The following WFDC8 variants were observed in gnomAD, a reference collection of about 807,000 sequenced individuals.
WFDC8 encodes the protein WAP four-disulfide core domain 8, also known as WAP four-disulfide core domain protein 8.
In WFDC8, 24 loss-of-function variants were observed where a neutral mutation model predicts 27.0. The ratio of observed to expected loss-of-function variants is 0.89; its 90% CI spans 0.64 to 1.25. The LOEUF (loss-of-function observed/expected upper bound fraction) is 1.25. Among genes scored for constraint, WFDC8 ranks in the 50% most tolerant of loss-of-function variants. The probability of loss-of-function intolerance (pLI) is 0.00; values close to 1 mark genes in which losing one functional copy is unlikely to be tolerated. For missense variants in WFDC8, 287 were observed against 295.9 expected, an observed-to-expected ratio of 0.97 and a Z score of 0.22; for synonymous variants, 106 against 99.7, an observed-to-expected ratio of 1.06 and a Z score of -0.38.
chr20:45,560,851 T>G (rs959843375), intron 2 of WFDC8, among the ~76,000 whole-genome samples: 1 of 152,192 alleles, frequency 6.6e-6, no homozygotes, highest in African/African-American at 2.4e-5. Flanking sequence ...TACATCAAAA[T>G]CATCTATGCA....
intron 1 of WFDC8, among the ~76,000 whole-genome samples, chr20:45,570,072 A>G (rs1980817191): frequency 6.6e-6 from 1 of 152,156 alleles, no homozygotes; most frequent in African/African-American, 2.4e-5. Flanking sequence ...ATCAGGAAAA[A>G]TAACTAATGA....
chr20:45,558,837 C>T lies in WFDC8; in HGVS notation c.277+15G>A. On this transcript the variant is annotated intron_variant, in intron 3 of 5. Transcript: ENST00000289953. ...AGAAGTGGGGAACCTCTGTCCTCAGCCTGGACATCGCTACCTTGAAAGGGA... is the reference window on the plus strand; with the variant it reads ...AGAAGTGGGGAACCTCTGTCCTCAGTCTGGACATCGCTACCTTGAAAGGGA... 1 of 1,613,904 alleles carries T rather than the reference C, an allele frequency of 6.2e-7. No individual in the cohort carries two copies. Among genetic ancestry groups the T allele is most frequent in the Non-Finnish European group, 8.5e-7 (1 of 1,179,882 alleles).
At chr20:45,560,276 T>C (rs1980419358) in intron 2 of WFDC8, among the ~76,000 whole-genome samples, 1 of 152,160 alleles carries the variant, frequency 6.6e-6, no homozygotes, top group Admixed American at 6.5e-5. Flanking sequence ...GGAGCCTCAG[T>C]CCTACAACTC....
chr20:45,553,507 C>T lies in WFDC8; in HGVS notation c.446-231G>A, dbSNP rs538328239. ...GCCCCATGGTAAAGTCCCAGTCCTG[C>T]TACTTGGTGAGTTTCCTTCTCTGTA... On this transcript the variant is annotated intron_variant, in intron 4 of 5. Coordinates refer to ENST00000289953, the MANE Select transcript of WFDC8 (RefSeq NM_130896.3). Among the ~76,000 whole-genome samples the T allele has an allele frequency of 2.0e-5, 3 of 152,264 alleles. 1 individual carries two copies. Among genetic ancestry groups the T allele is most frequent in the Admixed American group, 6.5e-5 (1 of 15,292 alleles).
At chr20:45,552,215 T>C (rs1376292485) in intron 5 of WFDC8, 50 bp from the exon 6 acceptor site, 1 of 1,599,780 alleles carries the variant, frequency 6.3e-7, no homozygotes, top group East Asian at 2.2e-5. Context: ...TGGTCATAAT[T>C]TGAGACAAAT....
chr20:45,559,062 G>C, intron 2 of WFDC8, 70 bp from the exon 3 acceptor site: 2 of 1,588,000 alleles, frequency 1.3e-6, no homozygotes, highest in East Asian at 4.5e-5. Context: ...TGGCAAAGGT[G>C]TGTAGTGAAA....
chr20:45,576,453 G>A lies in WFDC8; in HGVS notation c.26+2769C>T, dbSNP rs577710136. Among the ~76,000 whole-genome samples the A allele has an allele frequency of 2.5e-4, 38 of 150,868 alleles. 3 individuals carry two copies. The South Asian group carries it at 6.6e-3, about 26-fold the overall frequency. ...CACTGTCTTTCTCCCAGGGCGGAGCGCAGTGGCACGATCTTGGCTCACTCC... is the reference window on the plus strand; with the variant it reads ...CACTGTCTTTCTCCCAGGGCGGAGCACAGTGGCACGATCTTGGCTCACTCC... On this transcript the variant is annotated intron_variant, in intron 1 of 5. Coordinates refer to ENST00000289953, the MANE Select transcript of WFDC8 (RefSeq NM_130896.3).
chr20:45,566,138 A>G (rs1980668909), intron 1 of WFDC8, among the ~76,000 whole-genome samples: 2 of 152,158 alleles, frequency 1.3e-5, no homozygotes, highest in East Asian at 3.8e-4. Flanking sequence ...AGATGCTGGT[A>G]AAGCCTTTTT....
At chr20:45,573,952 A>G (rs182257762) in intron 1 of WFDC8, among the ~76,000 whole-genome samples, 28 of 152,276 alleles carry the variant, frequency 1.8e-4, no homozygotes, top group Non-Finnish European at 2.8e-4. Flanking sequence ...AGGTAGTGTG[A>G]TGCCTCCAGC....
At chr20:45,573,801 C>A (rs1980951342) in intron 1 of WFDC8, among the ~76,000 whole-genome samples, 1 of 152,144 alleles carries the variant, frequency 6.6e-6, no homozygotes, top group Non-Finnish European at 1.5e-5. Context: ...GTGTTCTTGG[C>A]ACCTTTATCA....
chr20:45,552,466 A>G (rs115124662), intron 5 of WFDC8, among the ~76,000 whole-genome samples: 1 of 152,366 alleles, frequency 6.6e-6, no homozygotes, highest in African/African-American at 2.4e-5. Flanking sequence ...TGGCAGGAGT[A>G]TTAGCACACA....
In WFDC8 at chr20:45,555,854, G is replaced by A. The variant is rs142787905; in HGVS notation, c.292C>T (p.Pro98Ser). 2 of 1,613,786 alleles carry A rather than the reference G, an allele frequency of 1.2e-6. No individual in the cohort carries two copies. Among genetic ancestry groups the A allele is most frequent in the African/African-American group, 2.7e-5 (2 of 74,880 alleles). Reference protein sequence around the residue: ...MDPFQEPCMLPVRHGNCNHEA... With the variant: ...MDPFQEPCMLSVRHGNCNHEA... ...TGATTACAGTTTCCATGCCTCACAGGTAGCATGCAGGGTTCTGAGGTCAGG... is the reference window on the plus strand; with the variant it reads ...TGATTACAGTTTCCATGCCTCACAGATAGCATGCAGGGTTCTGAGGTCAGG... Residue 98 changes from proline to serine, a missense_variant, in exon 4 of 6, where the codon CCT (proline) becomes TCT (serine). Physicochemically the swap from Pro to Ser is moderately conservative, Grantham distance 74. Transcript: ENST00000289953.
At chr20:45,556,932 A>G (rs1980279601) in intron 3 of WFDC8, among the ~76,000 whole-genome samples, 1 of 152,194 alleles carries the variant, frequency 6.6e-6, no homozygotes, top group Non-Finnish European at 1.5e-5. Flanking sequence ...GGTCATGGTC[A>G]CTGTTTGGTG....
At chr20:45,566,076 C>G (rs62205644) in intron 1 of WFDC8, among the ~76,000 whole-genome samples, 58,754 of 151,912 alleles carry the variant, frequency 0.39, 11,843 homozygotes, top group Non-Finnish European at 0.43. Flanking sequence ...TAGATAAGGT[C>G]ACTAAATGAA....
downstream of WFDC8, chr20:45,551,387 G>T (rs4812910): frequency 0.38 from 57,934 of 151,898 alleles, 11,528 homozygotes; most frequent in Non-Finnish European, 0.42. Flanking sequence ...CAGCACTTTC[G>T]GAGGCTGAGG....
intron 2 of WFDC8, among the ~76,000 whole-genome samples, chr20:45,561,443 T>C (rs1403883791): frequency 6.6e-6 from 1 of 152,200 alleles, no homozygotes; most frequent in African/African-American, 2.4e-5. Flanking sequence ...ACTACCTTAC[T>C]TTCTATTCCG....
intron 2 of WFDC8, 30 bp from the exon 3 acceptor site, chr20:45,559,022 T>C: frequency 6.2e-7 from 1 of 1,611,744 alleles, no homozygotes; most frequent in Non-Finnish European, 8.5e-7. Context: ...AAACTCACAT[T>C]CTTTCGGAAT....
downstream of WFDC8, chr20:45,551,631 A>T (rs1980038836): frequency 6.7e-6 from 1 of 148,888 alleles, no homozygotes; most frequent in South Asian, 2.1e-4. Context: ...AAAAAAAAAA[A>T]AGAAAGAAAG....
At chr20:45,569,796 C>T (rs1424139773) in intron 1 of WFDC8, among the ~76,000 whole-genome samples, 4 of 152,060 alleles carry the variant, frequency 2.6e-5, no homozygotes, top group Non-Finnish European at 5.9e-5. Flanking sequence ...AAATGTCCAT[C>T]AATGGTAGAC....
Sources: allele counts gnomAD v4.1 joint callset (sites outside exome capture counted in the v4.1 genomes callset), GRCh38; gene constraint gnomAD v4.1.1; transcripts MANE v1.5; gene names NCBI Gene and HGNC (gene_info 2026-07-23, HGNC 2026-07-21).